Variants in SRSF2 observed in about 807,000 individuals in gnomAD.
The protein encoded by SRSF2 is serine/arginine-rich splicing factor 2.
A neutral mutation model predicts 15.7 loss-of-function variants in SRSF2; 4 were observed. The ratio of observed to expected loss-of-function variants is 0.26; its 90% CI spans 0.13 to 0.58. The LOEUF (loss-of-function observed/expected upper bound fraction) is 0.58. Among genes scored for constraint, SRSF2 ranks in the 20% least tolerant of loss-of-function variants. The pLI, the probability that SRSF2 is intolerant of heterozygous loss-of-function variation, is 0.90. For synonymous variants in SRSF2, 192 were observed against 138.9 expected, an observed-to-expected ratio of 1.38 and a Z score of -2.69; for missense variants, 147 against 332.4, an observed-to-expected ratio of 0.44 and a Z score of 4.34.
intron 2 of SRSF2, chr17:76,735,662 G>C (rs2077427513): frequency 3.9e-6 from 1 of 255,140 alleles, no homozygotes. Flanking sequence ...GCTTCTTATT[G>C]CAATTCTTTT....
chr17:76,736,088 C>T (rs1236579096), intron 2 of SRSF2, 66 bp downstream of exon 2: 4 of 1,484,018 alleles, frequency 2.7e-6, no homozygotes, highest in East Asian at 2.3e-5. Context: ...TAACACGACT[C>T]AAAAAGACCT....
At chr17:76,735,473 G>A (rs1284483515) in intron 2 of SRSF2, 6 of 226,728 alleles carry the variant, frequency 2.6e-5, no homozygotes, top group African/African-American at 4.5e-5. Context: ...ATTTCATTAA[G>A]ATAAATTGTT....
At position 76,737,199 on chromosome 17, in the gene SRSF2, C is replaced by T. The variant is rs551323754; in HGVS notation, c.-39G>A. 1.7e-5 allele frequency: 25 copies of T among 1,508,512 alleles called. No individual in the cohort carries two copies. The South Asian group carries it at 2.1e-4, about 12-fold the overall frequency. The allele number at this position is 1,508,512 out of a possible 1,614,324, so 93.4% of individuals were successfully genotyped here. On this transcript the variant is annotated 5_prime_UTR_variant, in exon 1 of 3. Transcript: ENST00000359995. ...GGCCCGGAGCCCCGCGAACTGGCGC[C>T]GGCTTCCTCAGCTCTGGGCGGTGCG...
chr17:76,735,963 CCATT>C lies in SRSF2; in HGVS notation c.*7+187_*7+190del. ...AGGTCTCAAACAGTTTACGAAACAG[CCATT>C]ATTATCTAAGCTTCATACACATCCT... On this transcript the variant is annotated intron_variant, in intron 2 of 2. Transcript: ENST00000359995. 3 of 627,332 alleles carry C rather than the reference CCATT, an allele frequency of 4.8e-6. No individual in the cohort carries two copies. The South Asian group carries it at 5.9e-5, about 12-fold the overall frequency. The allele number at this position is 627,332 out of a possible 1,614,324, so 38.9% of individuals were successfully genotyped here.
rs2077374423 is a variant in SRSF2, at chr17:76,734,264, A to G, written c.*902T>C. On this transcript the variant is annotated 3_prime_UTR_variant, in exon 3 of 3. Transcript: ENST00000359995. ...TGCTTCCTTAACATTTTCCATGTTA[A>G]GTTCATACATGTAGATATGATCAGA... The G allele has an allele frequency of 4.4e-6, 1 of 226,080 alleles. No individual in the cohort carries two copies. Among genetic ancestry groups the G allele is most frequent in the Non-Finnish European group, 8.9e-6 (1 of 112,838 alleles). The allele number at this position is 226,080 out of a possible 1,614,324, so 14.0% of individuals were successfully genotyped here. A position where few individuals can be genotyped will look rare whatever the true frequency, so the allele number is the denominator to read the frequency against.
chr17:76,736,044 G>A (rs1327293878), intron 2 of SRSF2, 110 bp downstream of exon 2: 37 of 1,121,734 alleles, frequency 3.3e-5, no homozygotes, highest in Non-Finnish European at 3.6e-5. Flanking sequence ...TAACCTCCGA[G>A]CAGCACTCCT....
At chr17:76,735,727 T>C (rs1348602210) in intron 2 of SRSF2, 2 of 321,840 alleles carry the variant, frequency 6.2e-6, no homozygotes, top group Non-Finnish European at 1.2e-5. Context: ...TTGAACTGAT[T>C]GTTTCTCTAA....
rs1391302337 is a variant in SRSF2 at position 76,734,680 on chromosome 17, AT to A, written c.*485del. On this transcript the variant is annotated 3_prime_UTR_variant, in exon 3 of 3. Transcript: ENST00000359995. ...TATACAAATTTGGGTTCAGATTACCATTTAGATCTGAAGGTAAATAACATAT... is the reference window on the plus strand; with the variant it reads ...TATACAAATTTGGGTTCAGATTACCATTAGATCTGAAGGTAAATAACATAT... The A allele has an allele frequency of 4.3e-6, 1 of 231,554 alleles. No individual in the cohort carries two copies. Among genetic ancestry groups the A allele is most frequent in the African/African-American group, 2.2e-5 (1 of 44,860 alleles). 14.3% of individuals were successfully genotyped at this position (231,554 alleles called of 1,614,324 possible).
upstream of SRSF2, chr17:76,737,341 G>T (rs1410485842): frequency 7.9e-6 from 6 of 759,186 alleles, no homozygotes; most frequent in African/African-American, 8.8e-5. Flanking sequence ...TGGGCGGGCA[G>T]CCGGCCTCTG....
rs575538276 is a variant in SRSF2 at position 76,737,050 on chromosome 17, G to A, written c.111C>T (p.Tyr37=). The change falls in exon 1 of 3, where the codon TAC becomes TAT. Residue 37 remains tyrosine, a synonymous_variant. Transcript: ENST00000359995. ...PDTLRRVFEK[Y]GRVGDVYIPR... ...GGATGTACACGTCGCCGACGCGCCC[G>A]TACTTCTCGAAGACGCGCCTCAGCG... is the stretch of plus-strand genomic sequence containing the variant. 1.2e-6 allele frequency: 2 copies of A among 1,613,214 alleles called. No homozygotes were observed. The highest frequency in any genetic ancestry group is 1.1e-5 in the South Asian group (1 of 91,016).
chr17:76,736,763 C>T, intron 1 of SRSF2, 36 bp downstream of exon 1: 1 of 1,402,364 alleles, frequency 7.1e-7, no homozygotes, highest in Non-Finnish European at 9.2e-7. Context: ...CCGCGCGCCC[C>T]GCCCCGCCTC....
At position 76,736,149 on chromosome 17, in the gene SRSF2, A is replaced by G. The variant is rs1284524859; in HGVS notation, c.*7+5T>C. 1.3e-6 allele frequency: 2 copies of G among 1,586,554 alleles called. No homozygotes were observed. The highest frequency in any genetic ancestry group is 1.7e-6 in the Non-Finnish European group (2 of 1,164,474). On this transcript the variant is annotated splice_donor_5th_base_variant and intron_variant, in intron 2 of 2. Coordinates refer to ENST00000359995, the MANE Select transcript of SRSF2 (RefSeq NM_001195427.2). ...GGTTATGTGTCTCGGATTCCCAGAC[A>G]TTACCATTTTCTTAAGAGGACACCG... is the stretch of plus-strand genomic sequence containing the variant.
chr17:76,737,085 A>C lies in SRSF2; in HGVS notation c.76T>G (p.Ser26Ala). 1 of 1,612,184 alleles carries C rather than the reference A, an allele frequency of 6.2e-7. No homozygotes were observed. The highest frequency in any genetic ancestry group is 8.5e-7 in the Non-Finnish European group (1 of 1,179,242). The change falls in exon 1 of 3, where the codon TCG (serine) becomes GCG (alanine). Residue 26 changes from serine to alanine, a missense_variant. Ser to Ala is a moderately conservative substitution (Grantham distance 99). Coordinates refer to ENST00000359995, the MANE Select transcript of SRSF2 (RefSeq NM_001195427.2). ...LKVDNLTYRT[S>A]PDTLRRVFEK... Reference sequence around the variant, plus strand: ...AAGACGCGCCTCAGCGTGTCGGGCGAGGTGCGGTAGGTCAGGTTGTCCACC... The same window carrying C: ...AAGACGCGCCTCAGCGTGTCGGGCGCGGTGCGGTAGGTCAGGTTGTCCACC...
chr17:76,737,253 C>T lies in SRSF2; in HGVS notation c.-93G>A, dbSNP rs570395338. 1.1e-4 allele frequency: 156 copies of T among 1,440,860 alleles called. 1 individual carries two copies. The African/African-American group carries it at 2.1e-3, about 19-fold the overall frequency. 89.3% of individuals were successfully genotyped at this position (1,440,860 alleles called of 1,614,324 possible). A position where few individuals can be genotyped will look rare whatever the true frequency, so the allele number is the denominator to read the frequency against. On this transcript the variant is annotated 5_prime_UTR_variant, in exon 1 of 3. Coordinates refer to ENST00000359995, the MANE Select transcript of SRSF2 (RefSeq NM_001195427.2). ...CCGCGCCTCTCAGGCAGTTGCCTTCCGCGTGGGGACACTGGGAAAGGCCTT... is the reference window on the plus strand; with the variant it reads ...CCGCGCCTCTCAGGCAGTTGCCTTCTGCGTGGGGACACTGGGAAAGGCCTT...
chr17:76,736,218 C>T lies in SRSF2; in HGVS notation c.609G>A (p.Arg203=), dbSNP rs2143923133. The T allele has an allele frequency of 1.9e-6, 3 of 1,614,088 alleles. No homozygotes were observed. Among genetic ancestry groups the T allele is most frequent in the East Asian group, 2.2e-5 (1 of 44,884 alleles). The part of the protein sequence containing the change: ...PPVSKRESKS[R]SRSKSPPKSP... ...ACTTGGGGGGACTCTTCGATCGCGA[C>T]CTGGATTTGGATTCCCTCTTGGACA... The change falls in exon 2 of 3, where the codon AGG becomes AGA. Residue 203 remains arginine, a synonymous_variant. Coordinates refer to ENST00000359995, the MANE Select transcript of SRSF2 (RefSeq NM_001195427.2).
rs924387027 is a variant in SRSF2 at position 76,735,373 on chromosome 17, AG to A, written c.*8-216del. 1.5e-5 allele frequency: 3 copies of A among 199,660 alleles called. No homozygotes were observed. In the Admixed American group the frequency reaches 1.8e-4, roughly 12 times the overall value. 12.4% of individuals were successfully genotyped at this position (199,660 alleles called of 1,614,324 possible). A position where few individuals can be genotyped will look rare whatever the true frequency, so the allele number is the denominator to read the frequency against. ...TTACGTATTCCTGGCCAAATAACCA[AG>A]GTGAAGAAAGGTAAGGGGAAGAAAA... On this transcript the variant is annotated intron_variant, in intron 2 of 2. Coordinates refer to ENST00000359995, the MANE Select transcript of SRSF2 (RefSeq NM_001195427.2).
Position 76,736,235 on chromosome 17 carries a change from T to C in SRSF2, c.592A>G (p.Arg198Gly). ...RSRSPPPVSK[R>G]ESKSRSRSKS... ...GATCGCGACCTGGATTTGGATTCCC[T>C]CTTGGACACTGGGGGAGGACTCCTG... Residue 198 changes from arginine to glycine, a missense_variant, in exon 2 of 3, where the codon AGG becomes GGG. Arg to Gly is a moderately radical substitution (Grantham distance 125). Around this residue, in one of 2 missense-constraint regions of SRSF2, gnomAD observed 125 missense variants for 185.1 expected, o/e 0.68. Coordinates refer to ENST00000359995, the MANE Select transcript of SRSF2 (RefSeq NM_001195427.2). 1.4e-5 allele frequency: 23 copies of C among 1,614,060 alleles called. No individual in the cohort carries two copies. The highest frequency in any genetic ancestry group is 1.9e-5 in the Non-Finnish European group (23 of 1,179,994).
Position 76,737,077 on chromosome 17 carries a change from G to A in SRSF2, c.84C>T (p.Asp28=), listed in dbSNP as rs757990285. 1.2e-6 allele frequency: 2 copies of A among 1,612,804 alleles called. No homozygotes were observed. Among genetic ancestry groups the A allele is most frequent in the South Asian group, 1.1e-5 (1 of 90,954 alleles). ...VDNLTYRTSP[D]TLRRVFEKYG... ...ACTTCTCGAAGACGCGCCTCAGCGT[G>A]TCGGGCGAGGTGCGGTAGGTCAGGT... Residue 28 remains aspartate, a synonymous_variant, in exon 1 of 3, where the codon GAC becomes GAT. Transcript: ENST00000359995.
intron 2 of SRSF2, chr17:76,735,714 T>C (rs966073912): frequency 9.3e-6 from 3 of 321,816 alleles, no homozygotes; most frequent in African/African-American, 4.3e-5. Flanking sequence ...AGTACAACAA[T>C]AGTTGAACTG....
Sources: allele counts gnomAD v4.1 joint callset, GRCh38; gene constraint gnomAD v4.1.1; regional missense constraint gnomAD v4.1.1; transcripts MANE v1.5; gene names NCBI Gene and HGNC (gene_info 2026-07-23, HGNC 2026-07-21).